DDX6: variants seen among roughly 807,000 people sequenced by gnomAD.
The protein encoded by DDX6 is probable ATP-dependent RNA helicase DDX6.
Under a neutral mutation model 60.6 loss-of-function variants are expected in DDX6, and 7 were observed. The ratio of observed to expected loss-of-function variants is 0.12; its 90% confidence interval spans 0.07 to 0.22. The LOEUF is 0.22. Among genes scored for constraint, DDX6 ranks in the 10% least tolerant of loss-of-function variants. The pLI is 1.00. For missense variants in DDX6, 270 were observed against 589.9 expected (o/e 0.46, Z 5.62); for synonymous variants, 207 against 201.0 (o/e 1.03, Z -0.25).
intron 4 of DDX6, among the ~76,000 whole-genome samples, chr11:118,773,795 C>T (rs1288239594): frequency 6.6e-6 from 1 of 151,638 alleles, no homozygotes; most frequent in African/African-American, 2.4e-5. Flanking sequence ...TCAAGACCAG[C>T]CAGTGTGACA....
chr11:118,771,650 T>A (rs1861538949), intron 4 of DDX6, among the ~76,000 whole-genome samples: 1 of 152,238 alleles, frequency 6.6e-6, no homozygotes, highest in Non-Finnish European at 1.5e-5. Flanking sequence ...AAACTTTTTT[T>A]AAAACTTACT....
intron 4 of DDX6, among the ~76,000 whole-genome samples, chr11:118,768,840 A>G (rs1861438713): frequency 6.6e-6 from 1 of 150,600 alleles, no homozygotes; most frequent in Non-Finnish European, 1.5e-5. Context: ...AACATGGAAA[A>G]ACCCCAACTC....
intron 13 of DDX6, among the ~76,000 whole-genome samples, chr11:118,753,266 G>A (rs1401445827): frequency 6.6e-6 from 1 of 151,544 alleles, no homozygotes; most frequent in Non-Finnish European, 1.5e-5. Flanking sequence ...CTGACCTCAG[G>A]TAATCCACCC....
rs1403269338 is a variant in DDX6, at chr11:118,750,543, T to C, written c.*1562A>G. 2.6e-5 allele frequency: 4 copies of C among 152,144 alleles called. No individual in the cohort carries two copies. The highest frequency in any genetic ancestry group is 4.4e-5 in the Non-Finnish European group (3 of 68,038). The allele number at this position is 152,144 out of a possible 1,614,324, so 9.4% of individuals were successfully genotyped here. ...GGCAGAGGGCAACACATTTACACAC[T>C]ACAGGAAATGATCCACAGAAAATTA... On this transcript the variant is annotated 3_prime_UTR_variant, in exon 14 of 14. Transcript: ENST00000534980.
chr11:118,758,717 C>T, intron 9 of DDX6, 57 bp downstream of exon 9: 1 of 1,585,864 alleles, frequency 6.3e-7, no homozygotes, highest in Non-Finnish European at 8.6e-7. Flanking sequence ...TTGATGAAAT[C>T]ATCTGTTTTA....
intron 13 of DDX6, among the ~76,000 whole-genome samples, chr11:118,752,987 T>C (rs562949773): frequency 9.7e-4 from 148 of 152,270 alleles, no homozygotes; most frequent in African/African-American, 3.4e-3. Flanking sequence ...ATTTTATTTA[T>C]GTATTTGACG....
chr11:118,757,717 A>G (rs1861026553), intron 9 of DDX6, among the ~76,000 whole-genome samples: 1 of 151,944 alleles, frequency 6.6e-6, no homozygotes, highest in Non-Finnish European at 1.5e-5. Flanking sequence ...CAGCCTCTTG[A>G]GTAGCTGGGA....
chr11:118,781,309 T>TAACA, intron 2 of DDX6, 125 bp from the exon 3 acceptor site: 1 of 599,036 alleles, frequency 1.7e-6, no homozygotes, highest in Non-Finnish European at 2.9e-6. Context: ...TTAATATATC[T>TAACA]AACAAGATAA....
chr11:118,757,824 C>T (rs569571664), intron 9 of DDX6, among the ~76,000 whole-genome samples: 1 of 152,240 alleles, frequency 6.6e-6, no homozygotes, highest in Non-Finnish European at 1.5e-5. Context: ...CTCTTGACCT[C>T]AGGTGATCTG....
rs1860776082 is a variant in DDX6 at position 118,751,672 on chromosome 11, C to G, written c.*433G>C. 8.1e-6 allele frequency: 2 copies of G among 247,320 alleles called. No individual in the cohort carries two copies. The highest frequency in any genetic ancestry group is 1.6e-5 in the Non-Finnish European group (2 of 123,936). The allele number at this position is 247,320 out of a possible 1,614,324, so 15.3% of individuals were successfully genotyped here. On this transcript the variant is annotated 3_prime_UTR_variant, in exon 14 of 14. Coordinates refer to ENST00000534980, the MANE Select transcript of DDX6 (RefSeq NM_004397.6). ...GCACTTCGCACAAATAAGTAATAAGCTCTTCAGGCTTAAAAAACGGATGAG... is the reference window on the plus strand; with the variant it reads ...GCACTTCGCACAAATAAGTAATAAGGTCTTCAGGCTTAAAAAACGGATGAG...
chr11:118,784,152 T>C (rs74958605), intron 2 of DDX6, among the ~76,000 whole-genome samples: 8,570 of 151,760 alleles, frequency 0.056, 780 homozygotes, highest in African/African-American at 0.2. Flanking sequence ...CCTACTTACA[T>C]TCTGCCAAGA....
intron 2 of DDX6, among the ~76,000 whole-genome samples, chr11:118,783,206 G>A (rs1210393902): frequency 6.6e-6 from 1 of 152,118 alleles, no homozygotes; most frequent in Non-Finnish European, 1.5e-5. Context: ...CCGCAGAACT[G>A]AAAAGAAACC....
intron 4 of DDX6, among the ~76,000 whole-genome samples, chr11:118,776,147 A>C (rs190237560): frequency 2.6e-4 from 39 of 152,294 alleles, no homozygotes; most frequent in Non-Finnish European, 2.5e-4. Flanking sequence ...AGTCTCTTTA[A>C]AACAAATTTA....
chr11:118,783,385 T>TGC (rs1861966926), intron 2 of DDX6, among the ~76,000 whole-genome samples: 1 of 152,158 alleles, frequency 6.6e-6, no homozygotes, highest in East Asian at 1.9e-4. Flanking sequence ...GACAGGGTCT[T>TGC]GCTATGTTGC....
intron 2 of DDX6, chr11:118,785,816 C>A: frequency 2.6e-6 from 1 of 380,896 alleles, no homozygotes. Flanking sequence ...TTCCAAAAAC[C>A]ATTTATACAA....
Position 118,751,065 on chromosome 11 carries a change from ATG to A in DDX6, c.*1038_*1039del, listed in dbSNP as rs1243756279. On this transcript the variant is annotated 3_prime_UTR_variant, in exon 14 of 14. Coordinates refer to ENST00000534980, the MANE Select transcript of DDX6 (RefSeq NM_004397.6). The stretch of plus-strand genomic sequence containing the variant: ...TTCATCCAAAAAAAAATATATATAT[ATG>A]TATATATATATATATATATGAACCC... 8.8e-6 allele frequency: 1 copy of A among 114,072 alleles called. No individual in the cohort carries two copies. Among genetic ancestry groups the A allele is most frequent in the East Asian group, 2.3e-4 (1 of 4,426 alleles). 7.1% of individuals were successfully genotyped at this position (114,072 alleles called of 1,614,324 possible). A position where few individuals can be genotyped will look rare whatever the true frequency, so the allele number is the denominator to read the frequency against.
At chr11:118,771,899 G>C (rs1230959139) in intron 4 of DDX6, among the ~76,000 whole-genome samples, 3 of 152,186 alleles carry the variant, frequency 2.0e-5, no homozygotes, top group African/African-American at 7.2e-5. Flanking sequence ...AGGTTAAAAA[G>C]AGTTACCATA....
At chr11:118,754,677 C>T in intron 13 of DDX6, 28 bp downstream of exon 13, 1 of 1,558,200 alleles carries the variant, frequency 6.4e-7, no homozygotes. Context: ...TTTAAAGGTT[C>T]CTCTTAGCTG....
chr11:118,776,668 A>AC (rs531663354), intron 4 of DDX6, among the ~76,000 whole-genome samples: 21 of 152,050 alleles, frequency 1.4e-4, no homozygotes, highest in Non-Finnish European at 2.9e-4. Flanking sequence ...CCCCATCTCT[A>AC]CTAAAACACA....
Sources: gnomAD v4.1 joint callset for allele counts (sites outside exome capture counted in the v4.1 genomes callset) on GRCh38, gnomAD v4.1.1 for gene constraint, MANE v1.5 for transcripts, NCBI Gene and HGNC (gene_info 2026-07-23, HGNC 2026-07-21) for gene names.